The following ANKAR variants were observed in gnomAD, a reference collection of about 807,000 sequenced individuals.
ANKAR encodes ankyrin and armadillo repeat-containing protein.
In ANKAR, 136 loss-of-function variants were observed where a neutral mutation model predicts 146.2. That is an observed-to-expected ratio of 0.93 (90% CI 0.81 to 1.07). ANKAR has a LOEUF of 1.07. Among genes scored for constraint, ANKAR ranks in the 50% least tolerant of loss-of-function variants. The pLI, the probability that ANKAR is intolerant of heterozygous loss-of-function variation, is 0.00. For missense variants in ANKAR, 1,567 were observed against 1,679.9 expected, an observed-to-expected ratio of 0.93 and a Z score of 1.18; for synonymous variants, 500 against 575.8, an observed-to-expected ratio of 0.87 and a Z score of 1.88.
intron 3 of ANKAR, among the ~76,000 whole-genome samples, chr2:189,692,032 G>A (rs545268221): frequency 4.2e-4 from 64 of 152,182 alleles, no homozygotes; most frequent in Non-Finnish European, 7.4e-4. Context: ...AAAATGCTGG[G>A]ATTATAGGCA....
intron 18 of ANKAR, among the ~76,000 whole-genome samples, chr2:189,760,252 G>A (rs577741224): frequency 3.9e-5 from 6 of 152,180 alleles, no homozygotes; most frequent in South Asian, 2.1e-4. Context: ...ATCATGGCCC[G>A]TTCTCAATGA....
downstream of ANKAR, among the ~76,000 whole-genome samples, chr2:189,750,156 C>T (rs2044924920): frequency 6.6e-6 from 1 of 151,918 alleles, no homozygotes; most frequent in African/African-American, 2.4e-5. Context: ...AAAAATTAAA[C>T]TGCTCTCTCA....
intron 2 of ANKAR, among the ~76,000 whole-genome samples, chr2:189,684,492 C>A (rs16831861): frequency 0.019 from 2,830 of 152,184 alleles, 88 homozygotes; most frequent in African/African-American, 0.064. Context: ...AAATTCTCAG[C>A]ACCTTATACA....
chr2:189,737,188 T>C (rs947824506), intron 17 of ANKAR, among the ~76,000 whole-genome samples: 2 of 151,944 alleles, frequency 1.3e-5, no homozygotes, highest in African/African-American at 4.8e-5. Flanking sequence ...TATTGAATTA[T>C]TTTTAATATT....
chr2:189,741,689 A>T (rs2043346387), intron 20 of ANKAR, among the ~76,000 whole-genome samples: 1 of 152,198 alleles, frequency 6.6e-6, no homozygotes, highest in Non-Finnish European at 1.5e-5. Context: ...CACAATTTTA[A>T]TTCCTATAAA....
chr2:189,761,420 T>G (rs1278469897), downstream of ANKAR: 4 of 1,596,704 alleles, frequency 2.5e-6, no homozygotes, highest in African/African-American at 5.4e-5. Flanking sequence ...GTCTACTTAC[T>G]TTAAATGAAC....
intron 21 of ANKAR, among the ~76,000 whole-genome samples, chr2:189,744,460 A>G (rs1225105): frequency 0.018 from 2,785 of 152,288 alleles, 99 homozygotes; most frequent in African/African-American, 0.064. Context: ...TCTCAGACCT[A>G]TCTTCTTCAA....
At chr2:189,713,528 A>G (rs892066129) in intron 10 of ANKAR, among the ~76,000 whole-genome samples, 1 of 152,204 alleles carries the variant, frequency 6.6e-6, no homozygotes, top group African/African-American at 2.4e-5. Flanking sequence ...TCATAAGTGA[A>G]GGAGAAATAA....
chr2:189,744,018 C>T (rs887185005), intron 21 of ANKAR, among the ~76,000 whole-genome samples: 2 of 152,192 alleles, frequency 1.3e-5, no homozygotes, highest in African/African-American at 4.8e-5. Context: ...AAGAGAATCT[C>T]TACTATGGGT....
At chr2:189,728,469 G>T (rs1333073737) in intron 14 of ANKAR, 49 bp downstream of exon 14, 3 of 1,543,346 alleles carry the variant, frequency 1.9e-6, no homozygotes, top group East Asian at 4.6e-5. Flanking sequence ...ACAGGATCTT[G>T]CTCTGTTGCC....
chr2:189,728,508 G>T, intron 14 of ANKAR, 88 bp downstream of exon 14: 1 of 1,464,086 alleles, frequency 6.8e-7, no homozygotes, highest in Non-Finnish European at 9.2e-7. Flanking sequence ...CACAATTATA[G>T]CTCACTGCAG....
At chr2:189,742,202 A>C (rs1001521905) in intron 20 of ANKAR, among the ~76,000 whole-genome samples, 3 of 152,140 alleles carry the variant, frequency 2.0e-5, no homozygotes, top group Non-Finnish European at 2.9e-5. Flanking sequence ...TTCTGAGCCA[A>C]TACATTTGAG....
At position 189,695,090 on chromosome 2, in the gene ANKAR, C is replaced by A. The variant is rs1416886584; in HGVS notation, c.1417C>A (p.Pro473Thr). 6.2e-7 allele frequency: 1 copy of A among 1,612,606 alleles called. No individual in the cohort carries two copies. The highest frequency in any genetic ancestry group is 1.3e-5 in the African/African-American group (1 of 74,860). ...GAACAATCTGAGACTGAAAAGACTTCCACTGACAGATGCTCAATTACATGA... is the reference window on the plus strand; with the variant it reads ...GAACAATCTGAGACTGAAAAGACTTACACTGACAGATGCTCAATTACATGA... ...IVNNLRLKRL[P>T]LTDAQLHEQF... Residue 473 changes from proline (P) to threonine (T), a missense_variant, in exon 6 of 23, where the codon CCA becomes ACA. Physicochemically the swap from Pro to Thr is conservative, Grantham distance 38 (BLOSUM62 -1). Transcript: ENST00000684021.
At chr2:189,715,592 G>A (rs1210150605) in intron 10 of ANKAR, among the ~76,000 whole-genome samples, 2 of 152,146 alleles carry the variant, frequency 1.3e-5, no homozygotes, top group Non-Finnish European at 2.9e-5. Context: ...CATTTTATGA[G>A]GCCAGCATCA....
chr2:189,707,361 C>A (rs919832984), intron 9 of ANKAR, among the ~76,000 whole-genome samples: 2 of 138,422 alleles, frequency 1.4e-5, no homozygotes, highest in Non-Finnish European at 3.0e-5. Context: ...ATGTTAAAAT[C>A]AAAGATCTGT....
chr2:189,744,995 T>TACTACTACTACTACG (rs1559151062), intron 22 of ANKAR, among the ~76,000 whole-genome samples: 9 of 65,564 alleles, frequency 1.4e-4, no homozygotes, highest in African/African-American at 3.3e-4. Flanking sequence ...CCATCTCTAC[T>TACTACTACTACTACG]ACTACTACTA....
At position 189,707,070 on chromosome 2, in the gene ANKAR, A is replaced by T. The variant is rs866004061; in HGVS notation, c.2043A>T (p.Leu681Phe). The change falls in exon 9 of 23, where the codon TTA (leucine) becomes TTT (phenylalanine). Residue 681 changes from leucine (L) to phenylalanine (F), a missense_variant. Leu to Phe is a conservative substitution (Grantham distance 22, BLOSUM62 0). Transcript: ENST00000684021. The stretch of plus-strand genomic sequence containing the variant: ...ATAATATAATCCATTTATCAGTGTT[A>T]ACCTTTCATACAGAGGTTCTCAAAT... ...KGNNIIHLSV[L>F]TFHTEVLKYI... 2 of 1,610,218 alleles carry T rather than the reference A, an allele frequency of 1.2e-6. No individual in the cohort carries two copies. Among genetic ancestry groups the T allele is most frequent in the South Asian group, 1.1e-5 (1 of 90,458 alleles).
intron 18 of ANKAR, among the ~76,000 whole-genome samples, chr2:189,759,978 T>C (rs2046748477): frequency 6.6e-6 from 1 of 152,170 alleles, no homozygotes; most frequent in South Asian, 2.1e-4. Context: ...GTATGCTGCC[T>C]TCAAGCATCT....
downstream of ANKAR, chr2:189,746,831 T>A: frequency 2.1e-6 from 1 of 485,356 alleles, no homozygotes; most frequent in Non-Finnish European, 3.4e-6. Flanking sequence ...AGGATTTCTG[T>A]AAACAAAGGC....
Sources: allele counts gnomAD v4.1 joint callset (sites outside exome capture counted in the v4.1 genomes callset), GRCh38; gene constraint gnomAD v4.1.1; transcripts MANE v1.5; gene names NCBI Gene and HGNC (gene_info 2026-07-23, HGNC 2026-07-21).